Variants in LTBP4 observed in about 807,000 individuals in gnomAD.
LTBP4 encodes latent-transforming growth factor beta-binding protein 4.
In LTBP4, 93 loss-of-function variants were observed where a neutral mutation model predicts 180.2. That is an observed-to-expected ratio of 0.52 (90% CI 0.44 to 0.61). The LOEUF is 0.61. LTBP4 is among the 20% of genes least tolerant of loss of function. The pLI is 0.00. For synonymous variants in LTBP4, 947 were observed against 934.5 expected, an observed-to-expected ratio of 1.01 and a Z score of -0.24; for missense variants, 2,116 against 2,256.5, an observed-to-expected ratio of 0.94 and a Z score of 1.26.
At chr19:40,597,404 C>T (rs752627150), upstream of LTBP4, 2 of 1,495,804 alleles carry the variant, frequency 1.3e-6, no homozygotes, top group South Asian at 1.2e-5. Context: ...TTCCTTGTGC[C>T]CCTTCCACCC....
At position 40,605,111 on chromosome 19, in the gene LTBP4, T is replaced by C; in HGVS notation, c.327T>C (p.Ala109=). 1 of 1,613,868 alleles carries C rather than the reference T, an allele frequency of 6.2e-7. No homozygotes were observed. Among genetic ancestry groups the C allele is most frequent in the Admixed American group, 1.7e-5 (1 of 60,022 alleles). ...GCTGCCTCTGTCCCCCGGACTTCGCTGGCAAGTTCTGCCAGTTGCACTCCT... is the reference window on the plus strand; with the variant it reads ...GCTGCCTCTGTCCCCCGGACTTCGCCGGCAAGTTCTGCCAGTTGCACTCCT... The part of the protein sequence containing the change: ...PDRCLCPPDF[A]GKFCQLHSSG... Residue 109 remains alanine (A), a synonymous_variant, in exon 2 of 30, where the codon GCT becomes GCC. Coordinates refer to ENST00000396819, the MANE Select transcript of LTBP4 (RefSeq NM_001042545.2). The surrounding 1 kb of genome is among the most constrained non-coding windows in gnomAD (Gnocchi z 5.5).
At chr19:40,596,313 C>T (rs1005079010) in intron 1 of LTBP4, among the ~76,000 whole-genome samples, 1 of 152,194 alleles carries the variant, frequency 6.6e-6, no homozygotes, top group East Asian at 1.9e-4. Context: ...TCCACCTCGG[C>T]CTTCCAAAGT....
chr19:40,626,867 C>T, intron 27 of LTBP4, 108 bp from the exon 28 acceptor site: 2 of 1,372,252 alleles, frequency 1.5e-6, no homozygotes, highest in Admixed American at 6.0e-5. Context: ...CGGGGCCACC[C>T]AGGACCCTCC....
chr19:40,617,326 G>T, intron 21 of LTBP4, 101 bp downstream of exon 21: 1 of 1,426,652 alleles, frequency 7.0e-7, no homozygotes, highest in East Asian at 2.5e-5. Context: ...TTTTCGGGTT[G>T]TGGAATTTAG....
At chr19:40,600,234 G>T, upstream of LTBP4, 14 of 1,064,810 alleles carry the variant, frequency 1.3e-5, no homozygotes, top group Non-Finnish European at 1.6e-5. The surrounding 1 kb of genome is among the most constrained non-coding windows in gnomAD (Gnocchi z 4.4). Context: ...GCCAGATAAA[G>T]CCGTCTGGTT....
At chr19:40,595,701 A>G (rs1331409420) in intron 1 of LTBP4, among the ~76,000 whole-genome samples, 1 of 151,636 alleles carries the variant, frequency 6.6e-6, no homozygotes, top group Non-Finnish European at 1.5e-5. Flanking sequence ...AGGGATCGGT[A>G]CTCTCTTTTA....
intron 22 of LTBP4, among the ~76,000 whole-genome samples, chr19:40,620,763 G>A (rs113892385): frequency 0.25 from 23,564 of 93,672 alleles, 2,229 homozygotes; most frequent in Middle Eastern, 0.36. Context: ...GGAAGACTCC[G>A]TCCCAAAAAA....
rs1430387387 is a variant in LTBP4, at chr19:40,627,770, A to G, written c.4432A>G (p.Asn1478Asp). The G allele has an allele frequency of 6.3e-7, 1 of 1,584,820 alleles. No homozygotes were observed. The highest frequency in any genetic ancestry group is 8.6e-7 in the Non-Finnish European group (1 of 1,168,664). Residue 1478 changes from asparagine (N) to aspartate (D), a missense_variant, in exon 29 of 30, where the codon AAC becomes GAC. Around this residue, in one of 5 missense-constraint regions of LTBP4, gnomAD observed 488 missense variants for 458.8 expected, o/e 1.06. Coordinates refer to ENST00000396819, the MANE Select transcript of LTBP4 (RefSeq NM_001042545.2). ...GTGCGGGATCCTGGACGGCTGCACCAACGGCCGCTGCGTGCGCGTCCCCGA... is the reference window on the plus strand; with the variant it reads ...GTGCGGGATCCTGGACGGCTGCACCGACGGCCGCTGCGTGCGCGTCCCCGA... ...EECGILDGCT[N>D]GRCVRVPEGF...
chr19:40,599,851 GC>G, upstream of LTBP4: 1 of 517,338 alleles, frequency 1.9e-6, no homozygotes, highest in Non-Finnish European at 3.4e-6. Context: ...AAGTCTCTCT[GC>G]CCCTTCTCTC....
At chr19:40,617,272 T>C (rs1243006448) in intron 21 of LTBP4, 47 bp downstream of exon 21, 1 of 1,587,984 alleles carries the variant, frequency 6.3e-7, no homozygotes, top group Non-Finnish European at 8.6e-7. Flanking sequence ...GTGGGGGAGG[T>C]TGGTCAGGCC....
In LTBP4 at chr19:40,611,400, G is replaced by T; in HGVS notation, c.2053+6G>T. ...GCCCGGGGCCCCCTGCCAAGGTGAG[G>T]GTGCTGAGCCCAGCCCTACTCCATC... On this transcript the variant is annotated splice_donor_region_variant and intron_variant, in intron 13 of 29. Transcript: ENST00000396819. This position sits in a 1 kb window ranked among gnomAD's most constrained non-coding sequence, Gnocchi z 4.4. 6.2e-7 allele frequency: 1 copy of T among 1,601,782 alleles called. No homozygotes were observed. Among genetic ancestry groups the T allele is most frequent in the Non-Finnish European group, 8.5e-7 (1 of 1,176,678 alleles).
In LTBP4 at chr19:40,629,741, C is replaced by G. The variant is rs986448313; in HGVS notation, c.*191C>G. Reference sequence around the variant, plus strand: ...CAGCGCCTCCCACTGATGTCGTGGTCCCGGGCCTGGCCCAGGGGCCCCTTT... The same window carrying G: ...CAGCGCCTCCCACTGATGTCGTGGTGCCGGGCCTGGCCCAGGGGCCCCTTT... On this transcript the variant is annotated 3_prime_UTR_variant, in exon 30 of 30. Coordinates refer to ENST00000396819, the MANE Select transcript of LTBP4 (RefSeq NM_001042545.2). This position sits in a 1 kb window ranked among gnomAD's most constrained non-coding sequence, Gnocchi z 4.5. 2.0e-6 allele frequency: 1 copy of G among 492,758 alleles called. No individual in the cohort carries two copies. The allele number at this position is 492,758 out of a possible 1,614,324, so 30.5% of individuals were successfully genotyped here. A position where few individuals can be genotyped will look rare whatever the true frequency, so the allele number is the denominator to read the frequency against.
At chr19:40,607,256 CA>C in intron 6 of LTBP4, 108 bp from the exon 7 acceptor site, 3 of 775,704 alleles carry the variant, frequency 3.9e-6, no homozygotes. Context: ...CCCTCGCACC[CA>C]CCAACCCCCC....
chr19:40,596,993 G>A (rs1377054757), upstream of LTBP4, among the ~76,000 whole-genome samples: 1 of 152,102 alleles, frequency 6.6e-6, no homozygotes, highest in East Asian at 1.9e-4. Flanking sequence ...CACCGCGTGG[G>A]GAACTCGAGG....
intron 5 of LTBP4, 23 bp from the exon 6 acceptor site, chr19:40,606,381 G>A (rs1276653672): frequency 5.9e-5 from 94 of 1,606,594 alleles, no homozygotes; most frequent in East Asian, 2.9e-4. Context: ...CTGACTCCAC[G>A]GTGACCTCCC....
chr19:40,619,357 G>C lies in LTBP4; in HGVS notation c.3081G>C (p.Glu1027Asp). 1.2e-6 allele frequency: 2 copies of C among 1,613,832 alleles called. No individual in the cohort carries two copies. The highest frequency in any genetic ancestry group is 1.1e-5 in the South Asian group (1 of 91,062). Residue 1027 changes from glutamate to aspartate, a missense_variant, in exon 22 of 30, where the codon GAG becomes GAC. Around this residue, in one of 5 missense-constraint regions of LTBP4, gnomAD observed 278 missense variants for 373.0 expected, o/e 0.75. Transcript: ENST00000396819. ...GTCTCCTGCTTACAGATGTGAACGA[G>C]TGTGAAACACTACAGGGTGTATGTG... ...RDGRHCVDVN[E>D]CETLQGVCGA...
chr19:40,606,506 C>T lies in LTBP4; in HGVS notation c.971C>T (p.Ser324Leu). 6.4e-7 allele frequency: 1 copy of T among 1,569,876 alleles called. No homozygotes were observed. Among genetic ancestry groups the T allele is most frequent in the South Asian group, 1.2e-5 (1 of 85,426 alleles). Residue 324 changes from serine to leucine, a missense_variant, in exon 6 of 30, where the codon TCG becomes TTG. Ser to Leu is a moderately radical substitution (Grantham distance 145). Coordinates refer to ENST00000396819, the MANE Select transcript of LTBP4 (RefSeq NM_001042545.2). ...TGCCCCGACGGCTTTCTGCTCGACT[C>T]GTCCCGCAGCAGCTGCATCTGTGAG... Reference protein sequence around the residue: ...CVCPDGFLLDSSRSSCISQHV... With the variant: ...CVCPDGFLLDLSRSSCISQHV...
In LTBP4 at chr19:40,613,193, G is replaced by A. The variant is rs377504935; in HGVS notation, c.2428G>A (p.Ala810Thr). The part of the protein sequence containing the change: ...RAPSGRPGPC[A>T]DVNECLEGDF... ...GCCGTCGGGTCGGCCCGGGCCCTGC[G>A]CAGGTGAGCAGCATAGGGACCCGCC... The change falls in exon 16 of 30, where the codon GCA (alanine) becomes ACA (threonine). Residue 810 changes from alanine (A) to threonine (T), a missense_variant. This residue lies in a region of LTBP4 where 877 missense variants were observed against 873.6 expected (regional missense o/e 1.00). Coordinates refer to ENST00000396819, the MANE Select transcript of LTBP4 (RefSeq NM_001042545.2). The surrounding 1 kb of genome is among the most constrained non-coding windows in gnomAD (Gnocchi z 5.0). The A allele has an allele frequency of 1.9e-6, 3 of 1,565,016 alleles. No individual in the cohort carries two copies. Among genetic ancestry groups the A allele is most frequent in the African/African-American group, 2.7e-5 (2 of 73,520 alleles).
At chr19:40,603,155 A>G (rs1479069314) in intron 1 of LTBP4, among the ~76,000 whole-genome samples, 1 of 152,110 alleles carries the variant, frequency 6.6e-6, no homozygotes, top group African/African-American at 2.4e-5. Flanking sequence ...GCCTTTCCCC[A>G]GATAACTCTG....
Sources: gnomAD v4.1 joint callset for allele counts (sites outside exome capture counted in the v4.1 genomes callset) on GRCh38, gnomAD v4.1.1 for gene constraint, gnomAD v4.1.1 regional missense constraint, Gnocchi (gnomAD v3.1) non-coding constraint, MANE v1.5 for transcripts, NCBI Gene and HGNC (gene_info 2026-07-23, HGNC 2026-07-21) for gene names.